The following PCP4 variants were observed in gnomAD, a reference collection of about 807,000 sequenced individuals.
PCP4 encodes the protein Purkinje cell protein 4, also known as calmodulin regulator protein PCP4.
A neutral mutation model predicts 10.0 loss-of-function variants in PCP4; 8 were observed. The observed-to-expected ratio is 0.80, with a 90% CI of 0.47 to 1.45. PCP4 has a LOEUF of 1.45. PCP4 is among the 40% of genes most tolerant of loss of function. The probability of loss-of-function intolerance (pLI) is 0.00; values close to 1 mark genes in which losing one functional copy is unlikely to be tolerated. For synonymous variants in PCP4, 21 were observed against 23.0 expected (o/e 0.91, Z 0.24); for missense variants, 54 against 74.4 (o/e 0.73, Z 1.01).
intron 2 of PCP4, among the ~76,000 whole-genome samples, chr21:39,915,380 A>G (rs1356501993): frequency 1.3e-5 from 2 of 152,224 alleles, no homozygotes; most frequent in African/African-American, 2.4e-5. Context: ...AGTAAAATAC[A>G]TGTGAATTTC....
In PCP4 at chr21:39,878,130, G is replaced by A. The variant is rs117966091; in HGVS notation, c.9+10620G>A. On this transcript the variant is annotated intron_variant, in intron 1 of 2. Transcript: ENST00000328619. Reference sequence around the variant, plus strand: ...CTTAAAGAACTTGTAGGGGGAGACAGAATCACATAAAATTAACTCTACTCT... The same window carrying A: ...CTTAAAGAACTTGTAGGGGGAGACAAAATCACATAAAATTAACTCTACTCT... 7.2e-3 allele frequency among the ~76,000 whole-genome samples: 1,098 copies of A among 152,282 alleles called. 8 individuals are homozygous for A. The highest frequency in any genetic ancestry group is 0.012 in the Non-Finnish European group (791 of 68,022).
At chr21:39,899,216 T>C (rs2087471344) in intron 2 of PCP4, among the ~76,000 whole-genome samples, 1 of 152,148 alleles carries the variant, frequency 6.6e-6, no homozygotes, top group African/African-American at 2.4e-5. Flanking sequence ...TCTCTAACTT[T>C]AGCAATTGAC....
chr21:39,893,220 A>T (rs1359446278), intron 1 of PCP4, among the ~76,000 whole-genome samples: 1 of 152,198 alleles, frequency 6.6e-6, no homozygotes, highest in Non-Finnish European at 1.5e-5. Flanking sequence ...GGAAACCCAG[A>T]CTAATATATA....
chr21:39,872,226 T>C (rs1351740561), intron 1 of PCP4, among the ~76,000 whole-genome samples: 1 of 152,206 alleles, frequency 6.6e-6, no homozygotes, highest in African/African-American at 2.4e-5. Flanking sequence ...CTCGAACTCC[T>C]GACCTCAGGT....
At chr21:39,928,883 G>T in intron 2 of PCP4, 101 bp from the exon 3 acceptor site, 1 of 1,148,978 alleles carries the variant, frequency 8.7e-7, no homozygotes. Context: ...CCCTGTGTGT[G>T]CCCCAAGGTG....
At chr21:39,902,235 A>G (rs1029168243) in intron 2 of PCP4, among the ~76,000 whole-genome samples, 2 of 152,246 alleles carry the variant, frequency 1.3e-5, no homozygotes, top group East Asian at 1.9e-4. Context: ...GTAACACTTC[A>G]TAATAAAAGG....
intron 2 of PCP4, among the ~76,000 whole-genome samples, chr21:39,905,332 G>A (rs2087501811): frequency 6.6e-6 from 1 of 152,126 alleles, no homozygotes; most frequent in Admixed American, 6.6e-5. Flanking sequence ...ACACTCTAAA[G>A]AGTTTCTATT....
intron 1 of PCP4, among the ~76,000 whole-genome samples, chr21:39,894,101 A>T (rs916846528): frequency 6.6e-6 from 1 of 152,158 alleles, no homozygotes; most frequent in African/African-American, 2.4e-5. Context: ...GCTGGAGATG[A>T]TCAGGAGAAG....
At chr21:39,903,110 C>T (rs2087488758) in intron 2 of PCP4, among the ~76,000 whole-genome samples, 1 of 152,150 alleles carries the variant, frequency 6.6e-6, no homozygotes, top group Non-Finnish European at 1.5e-5. Context: ...TTTTTATTGA[C>T]ACACAAAAGC....
At chr21:39,901,091 C>T (rs2087480419) in intron 2 of PCP4, among the ~76,000 whole-genome samples, 1 of 152,200 alleles carries the variant, frequency 6.6e-6, no homozygotes, top group Admixed American at 6.5e-5. Context: ...CAGAGGACAG[C>T]TGGATTTTCA....
chr21:39,880,581 C>T (rs895837578), intron 1 of PCP4, among the ~76,000 whole-genome samples: 1 of 152,124 alleles, frequency 6.6e-6, no homozygotes, highest in Non-Finnish European at 1.5e-5. Context: ...CTGTCTTTAT[C>T]GAGTGCTGGT....
At chr21:39,890,849 G>A (rs1242891594) in intron 1 of PCP4, among the ~76,000 whole-genome samples, 1 of 152,142 alleles carries the variant, frequency 6.6e-6, no homozygotes, top group South Asian at 2.1e-4. Context: ...CTGTGATTTT[G>A]TAATGGATTT....
At chr21:39,900,102 T>A (rs1039712441) in intron 2 of PCP4, among the ~76,000 whole-genome samples, 2 of 152,164 alleles carry the variant, frequency 1.3e-5, no homozygotes, top group Non-Finnish European at 2.9e-5. Flanking sequence ...TGGGACAATC[T>A]CGGCTCACTG....
intron 1 of PCP4, among the ~76,000 whole-genome samples, chr21:39,888,553 T>TG (rs1310290364): frequency 1.3e-5 from 2 of 152,186 alleles, no homozygotes; most frequent in Non-Finnish European, 2.9e-5. Flanking sequence ...GATACGCAGC[T>TG]GGTGGGGACA....
In PCP4 at chr21:39,867,629, A is replaced by G. The variant is rs878945323; in HGVS notation, c.9+119A>G. 7.0e-6 allele frequency: 7 copies of G among 999,036 alleles called. No individual in the cohort carries two copies. In the South Asian group the frequency reaches 9.0e-5, roughly 13 times the overall value. The allele number at this position is 999,036 out of a possible 1,614,324, so 61.9% of individuals were successfully genotyped here. On this transcript the variant is annotated intron_variant, in intron 1 of 2. Coordinates refer to ENST00000328619, the MANE Select transcript of PCP4 (RefSeq NM_006198.3). ...TGCTGAGGAACAAATTAATCCTGTA[A>G]TTATTTGCTTGGAGAACTGACAGGA...
intron 1 of PCP4, among the ~76,000 whole-genome samples, chr21:39,868,081 G>T (rs1006826282): frequency 6.6e-6 from 1 of 152,200 alleles, no homozygotes; most frequent in Non-Finnish European, 1.5e-5. Flanking sequence ...AGGCGGCCCC[G>T]GCAGAAGAAG....
chr21:39,914,270 T>A (rs2087557237), intron 2 of PCP4, among the ~76,000 whole-genome samples: 1 of 152,314 alleles, frequency 6.6e-6, no homozygotes, highest in East Asian at 1.9e-4. Context: ...CCTTGGCTTC[T>A]ACCTTTCCTT....
chr21:39,885,352 C>T (rs1279103898), intron 1 of PCP4, among the ~76,000 whole-genome samples: 2 of 152,160 alleles, frequency 1.3e-5, no homozygotes, highest in East Asian at 1.9e-4. Context: ...GAGGCCTAGC[C>T]GCGAGCCTGA....
In PCP4 at chr21:39,889,914, GA is replaced by G. The variant is rs3216360; in HGVS notation, c.10-8560del. 7.9e-4 allele frequency among the ~76,000 whole-genome samples: 121 copies of G among 152,290 alleles called. 1 individual carries two copies. In the East Asian group the frequency reaches 0.022, roughly 28 times the overall value. On this transcript the variant is annotated intron_variant, in intron 1 of 2. Transcript: ENST00000328619. Reference sequence around the variant, plus strand: ...GAACTTGTATTTTATCCTAAAGATGGAACAAAGTGTACTGGGCTGAATTATT... The same window carrying G: ...GAACTTGTATTTTATCCTAAAGATGGACAAAGTGTACTGGGCTGAATTATT...
Sources: allele counts gnomAD v4.1 joint callset (sites outside exome capture counted in the v4.1 genomes callset), GRCh38; gene constraint gnomAD v4.1.1; transcripts MANE v1.5; gene names NCBI Gene and HGNC (gene_info 2026-07-23, HGNC 2026-07-21).